Variants in PPEF2 observed in about 807,000 individuals in gnomAD.
The protein encoded by PPEF2 is protein phosphatase with EF-hand domain 2.
In PPEF2, 84 loss-of-function variants were observed where a neutral mutation model predicts 84.7. The ratio of observed to expected loss-of-function variants is 0.99; its 90% CI spans 0.83 to 1.19. PPEF2 has a LOEUF of 1.19. Among genes scored for constraint, PPEF2 ranks in the 50% most tolerant of loss-of-function variants. The probability of loss-of-function intolerance (pLI) is 0.00; values close to 1 mark genes in which losing one functional copy is unlikely to be tolerated. For missense variants in PPEF2, 924 were observed against 937.5 expected, an observed-to-expected ratio of 0.99 and a Z score of 0.19; for synonymous variants, 346 against 345.2, an observed-to-expected ratio of 1.00 and a Z score of -0.03.
At chr4:75,874,247 G>A (rs893793267) in intron 11 of PPEF2, among the ~76,000 whole-genome samples, 4 of 151,892 alleles carry the variant, frequency 2.6e-5, no homozygotes, top group African/African-American at 9.7e-5. Flanking sequence ...ACAATACTCA[G>A]ATGAAATAAC....
chr4:75,891,954 T>C lies in PPEF2; in HGVS notation c.80A>G (p.Gln27Arg). 1.2e-6 allele frequency: 2 copies of C among 1,614,052 alleles called. No individual in the cohort carries two copies. The highest frequency in any genetic ancestry group is 1.7e-6 in the Non-Finnish European group (2 of 1,179,948). The stretch of plus-strand genomic sequence containing the variant: ...GGCCACGTAGCGCCGGTACCATCTC[T>C]GGATCAGGGCTGCTGCCTTGAAGGC... ...ERAFKAAALI[Q>R]RWYRRYVARL... is the part of the protein sequence containing the mutation. The change falls in exon 3 of 17, where the codon CAG becomes CGG. Residue 27 changes from glutamine (Q) to arginine (R), a missense_variant. Transcript: ENST00000286719.
chr4:75,866,616 G>A (rs1278346546), intron 14 of PPEF2: 1 of 441,460 alleles, frequency 2.3e-6, no homozygotes, highest in Admixed American at 3.8e-5. Context: ...ATTATTTGTT[G>A]TCTGTTTGTC....
intron 13 of PPEF2, among the ~76,000 whole-genome samples, chr4:75,871,632 G>C (rs766801341): frequency 1.3e-5 from 2 of 152,018 alleles, no homozygotes; most frequent in African/African-American, 2.4e-5. Context: ...CACCACATCA[G>C]GCTAATTTTT....
intron 11 of PPEF2, among the ~76,000 whole-genome samples, chr4:75,874,641 T>C (rs1220857865): frequency 3.3e-5 from 5 of 152,150 alleles, no homozygotes; most frequent in African/African-American, 1.2e-4. Flanking sequence ...AAAGAAAAAC[T>C]TCATTCGATT....
chr4:75,878,345 T>C (rs1724481506), intron 10 of PPEF2, among the ~76,000 whole-genome samples: 1 of 152,238 alleles, frequency 6.6e-6, no homozygotes, highest in Non-Finnish European at 1.5e-5. Context: ...ATTCCTGCTG[T>C]GCCTCAGTGC....
intron 11 of PPEF2, among the ~76,000 whole-genome samples, chr4:75,875,452 T>C (rs1724384906): frequency 6.6e-6 from 1 of 151,754 alleles, no homozygotes; most frequent in Non-Finnish European, 1.5e-5. Context: ...CTTCAAAAAA[T>C]ACAAAAATTA....
intron 5 of PPEF2, 130 bp downstream of exon 5, chr4:75,889,827 G>A (rs757165647): frequency 3.9e-6 from 4 of 1,025,048 alleles, no homozygotes; most frequent in Non-Finnish European, 5.9e-6. Context: ...CACAGCAGGG[G>A]TAGAATCTCT....
rs1388847020 is a variant in PPEF2, at chr4:75,867,246, T to C, written c.1756+67A>G. On this transcript the variant is annotated intron_variant, in intron 14 of 16. Coordinates refer to ENST00000286719, the MANE Select transcript of PPEF2 (RefSeq NM_006239.3). ...AAGCAACAAATATTTATTTGCTAAC[T>C]AGTGTAAGACAGAGATTTTCTGGCT... 3 of 1,190,132 alleles carry C rather than the reference T, an allele frequency of 2.5e-6. No individual in the cohort carries two copies. The African/African-American group carries it at 4.7e-5, about 19-fold the overall frequency. The allele number at this position is 1,190,132 out of a possible 1,614,324, so 73.7% of individuals were successfully genotyped here. A position where few individuals can be genotyped will look rare whatever the true frequency, so the allele number is the denominator to read the frequency against.
intron 16 of PPEF2, among the ~76,000 whole-genome samples, chr4:75,864,115 C>G (rs1248883022): frequency 6.6e-6 from 1 of 152,120 alleles, no homozygotes; most frequent in Non-Finnish European, 1.5e-5. Context: ...TCAGGTGATT[C>G]ACCTGCCTCA....
chr4:75,865,447 G>C (rs1458128394), intron 15 of PPEF2, among the ~76,000 whole-genome samples: 1 of 152,062 alleles, frequency 6.6e-6, no homozygotes, highest in Admixed American at 6.6e-5. Context: ...GAGTGCAGTG[G>C]CATGGTCTTG....
At position 75,891,644 on chromosome 4, in the gene PPEF2, T is replaced by C. The variant is rs2149227846; in HGVS notation, c.241+4A>G. 6.2e-7 allele frequency: 1 copy of C among 1,605,782 alleles called. No individual in the cohort carries two copies. On this transcript the variant is annotated splice_donor_region_variant and intron_variant, in intron 4 of 16. Coordinates refer to ENST00000286719, the MANE Select transcript of PPEF2 (RefSeq NM_006239.3). ...GGACATGACATGTGGCAGTTCATAC[T>C]CACTGTCGTTGTGGCTGCTGGGGAT...
At chr4:75,866,138 A>C (rs1157311935) in intron 15 of PPEF2, 51 bp downstream of exon 15, 1 of 1,509,552 alleles carries the variant, frequency 6.6e-7, no homozygotes, top group East Asian at 2.3e-5. Context: ...ATTCTCTCTA[A>C]GGAGTATCAT....
chr4:75,895,884 T>TA (rs34289743), intron 2 of PPEF2, among the ~76,000 whole-genome samples: 24,256 of 150,476 alleles, frequency 0.16, 2,117 homozygotes, highest in African/African-American at 0.2. Context: ...CCTATTGTTT[T>TA]AAAAAAAAAA....
Position 75,878,376 on chromosome 4 carries a change from A to G in PPEF2, c.934-1703T>C, listed in dbSNP as rs544401057. Among the ~76,000 whole-genome samples, 5 of 152,304 alleles carry G rather than the reference A, an allele frequency of 3.3e-5. No homozygotes were observed. In the South Asian group the frequency reaches 1.0e-3, roughly 32 times the overall value. On this transcript the variant is annotated intron_variant, in intron 10 of 16. Transcript: ENST00000286719. ...AGTGCTATGGTGAACCCCGAGGGGGAAGACTTCCATGGTATATCCACAATA... is the reference window on the plus strand; with the variant it reads ...AGTGCTATGGTGAACCCCGAGGGGGGAGACTTCCATGGTATATCCACAATA...
At chr4:75,901,039 A>G (rs1725109221) in intron 1 of PPEF2, among the ~76,000 whole-genome samples, 1 of 152,258 alleles carries the variant, frequency 6.6e-6, no homozygotes, top group African/African-American at 2.4e-5. Flanking sequence ...AGAGATTTCC[A>G]TTTTTAACTT....
rs1227556364 is a variant in PPEF2 at position 75,860,937 on chromosome 4, A to G, written c.2009-17T>C. ...AGATGAACCCTTATCAGAGGGAGGA[A>G]ATCACTTCAGTGAGTTAGTCTAGTT... On this transcript the variant is annotated splice_polypyrimidine_tract_variant and intron_variant, in intron 16 of 16. Transcript: ENST00000286719. The G allele has an allele frequency of 6.2e-7, 1 of 1,609,394 alleles. No individual in the cohort carries two copies. The highest frequency in any genetic ancestry group is 1.7e-5 in the Admixed American group (1 of 59,884).
At chr4:75,864,563 C>T (rs1394913) in intron 15 of PPEF2, 36 bp from the exon 16 acceptor site, 1,482,435 of 1,484,692 alleles carry the variant, frequency 1, 740,127 homozygotes, top group East Asian at 1. Context: ...CTTTGTCATA[C>T]GTTTAGACTT....
At chr4:75,873,667 G>C (rs906168834) in intron 11 of PPEF2, among the ~76,000 whole-genome samples, 2 of 152,190 alleles carry the variant, frequency 1.3e-5, no homozygotes, top group Admixed American at 1.3e-4. Context: ...CAGGCTACTG[G>C]ACATTTGCCC....
At chr4:75,898,044 C>A (rs1033617820) in intron 1 of PPEF2, among the ~76,000 whole-genome samples, 1 of 152,154 alleles carries the variant, frequency 6.6e-6, no homozygotes, top group Non-Finnish European at 1.5e-5. Context: ...TTATGGGAAA[C>A]GAAGGGATGG....
Sources: allele counts gnomAD v4.1 joint callset (sites outside exome capture counted in the v4.1 genomes callset), GRCh38; gene constraint gnomAD v4.1.1; transcripts MANE v1.5; gene names NCBI Gene and HGNC (gene_info 2026-07-23, HGNC 2026-07-21).